EDEM1: variants seen among roughly 807,000 people sequenced by gnomAD.
EDEM1 encodes ER degradation enhancing alpha-mannosidase like protein 1, also known as ER degradation-enhancing alpha-mannosidase-like protein 1.
A neutral mutation model predicts 74.4 loss-of-function variants in EDEM1; 67 were observed. That is an observed-to-expected ratio of 0.90 (90% CI 0.74 to 1.10). EDEM1 has a LOEUF of 1.10. EDEM1 is among the 50% of genes least tolerant of loss of function. The pLI, the probability that EDEM1 is intolerant of heterozygous loss-of-function variation, is 0.00. For missense variants in EDEM1, 926 were observed against 851.6 expected, an observed-to-expected ratio of 1.09 and a Z score of -1.09; for synonymous variants, 382 against 335.9, an observed-to-expected ratio of 1.14 and a Z score of -1.50.
Position 5,187,731 on chromosome 3 carries a change from G to T in EDEM1, c.-75G>T. 7.0e-7 allele frequency: 1 copy of T among 1,426,262 alleles called. No individual in the cohort carries two copies. The highest frequency in any genetic ancestry group is 9.2e-7 in the Non-Finnish European group (1 of 1,090,286). The allele number at this position is 1,426,262 out of a possible 1,614,324, so 88.4% of individuals were successfully genotyped here. On this transcript the variant is annotated 5_prime_UTR_variant, in exon 1 of 12. Transcript: ENST00000256497. ...TAAAGGGGAAGCGAGCCGGGCTACG[G>T]GGCGAGCGCGGGGTGCGGTGGTCGG...
intron 11 of EDEM1, 121 bp downstream of exon 11, chr3:5,213,643 A>G: frequency 1.0e-6 from 1 of 959,114 alleles, no homozygotes; most frequent in Non-Finnish European, 1.5e-6. Flanking sequence ...AGATTTGAAA[A>G]CACCTCCTAA....
In EDEM1 at chr3:5,208,160, A is replaced by G. The variant is rs371280594; in HGVS notation, c.1406A>G (p.Tyr469Cys). ...TTCTACTATGCCATATGGAAACGAT[A>G]TGGTGCCCTCCCTGAGAGATATAAC... ...HAFYYAIWKR[Y>C]GALPERYNWQ... The change falls in exon 8 of 12, where the codon TAT becomes TGT. Residue 469 changes from tyrosine (Y) to cysteine (C), a missense_variant. Physicochemically the swap from Tyr to Cys is radical, Grantham distance 194 (BLOSUM62 -2). Transcript: ENST00000256497. 18 of 1,612,974 alleles carry G rather than the reference A, an allele frequency of 1.1e-5. No homozygotes were observed. The highest frequency in any genetic ancestry group is 2.2e-5 in the South Asian group (2 of 90,954).
At position 5,210,099 on chromosome 3, in the gene EDEM1, C is replaced by T. The variant is rs545657306; in HGVS notation, c.1510-76C>T. On this transcript the variant is annotated intron_variant, in intron 8 of 11. Coordinates refer to ENST00000256497, the MANE Select transcript of EDEM1 (RefSeq NM_014674.3). ...GCGACTCGTCTCCATGGGGAAGCCC[C>T]GCAGTCACCATGATGTTTGTCGATG... The T allele has an allele frequency of 1.1e-4, 138 of 1,313,062 alleles. 2 individuals are homozygous for T. The highest frequency in any genetic ancestry group is 1.0e-3 in the South Asian group (87 of 84,408). The allele number at this position is 1,313,062 out of a possible 1,614,324, so 81.3% of individuals were successfully genotyped here. A position where few individuals can be genotyped will look rare whatever the true frequency, so the allele number is the denominator to read the frequency against.
At chr3:5,207,929 T>C (rs1385422487) in intron 7 of EDEM1, among the ~76,000 whole-genome samples, 164 bp from the exon 8 acceptor site, 1 of 152,166 alleles carries the variant, frequency 6.6e-6, no homozygotes, top group Admixed American at 6.5e-5. Context: ...AGGGAGGGCA[T>C]TTATTTGTCT....
At chr3:5,205,003 G>C in intron 5 of EDEM1, 64 bp from the exon 6 acceptor site, 1 of 1,563,410 alleles carries the variant, frequency 6.4e-7, no homozygotes, top group Middle Eastern at 1.9e-4. Context: ...TAGGAGGCCT[G>C]TCTCCATTCA....
At position 5,217,316 on chromosome 3, in the gene EDEM1, C is replaced by T. The variant is rs2055251212; in HGVS notation, c.*1398C>T. 1 of 152,622 alleles carries T rather than the reference C, an allele frequency of 6.6e-6. No homozygotes were observed. Among genetic ancestry groups the T allele is most frequent in the Admixed American group, 6.5e-5 (1 of 15,274 alleles). The allele number at this position is 152,622 out of a possible 1,614,324, so 9.5% of individuals were successfully genotyped here. A position where few individuals can be genotyped will look rare whatever the true frequency, so the allele number is the denominator to read the frequency against. On this transcript the variant is annotated 3_prime_UTR_variant, in exon 12 of 12. Transcript: ENST00000256497. The stretch of plus-strand genomic sequence containing the variant: ...GCAGCAGGGTTGACTCTTAGTCTGG[C>T]TTCCATGAAGCGTCATGGGTGGAAA...
At position 5,187,839 on chromosome 3, in the gene EDEM1, C is replaced by G; in HGVS notation, c.34C>G (p.Leu12Val). The G allele has an allele frequency of 6.3e-6, 10 of 1,591,086 alleles. No individual in the cohort carries two copies. The highest frequency in any genetic ancestry group is 8.5e-6 in the Non-Finnish European group (10 of 1,170,202). Residue 12 changes from leucine to valine, a missense_variant, in exon 1 of 12, where the codon CTC (leucine) becomes GTC (valine). Leu to Val is a conservative substitution (Grantham distance 32, BLOSUM62 1). Coordinates refer to ENST00000256497, the MANE Select transcript of EDEM1 (RefSeq NM_014674.3). ...GCGAGCGCTCGTCCTGGGGCTGGTG[C>G]TCCTCCGGCTTGGCCTCCATGGAGT... ...QWRALVLGLV[L>V]LRLGLHGVLW...
chr3:5,208,586 C>T (rs1418087420), intron 8 of EDEM1, among the ~76,000 whole-genome samples: 1 of 151,958 alleles, frequency 6.6e-6, no homozygotes, highest in African/African-American at 2.4e-5. Context: ...TGTATGTGAC[C>T]AGAAGACCCG....
At chr3:5,207,365 T>G in intron 7 of EDEM1, 92 bp downstream of exon 7, 4 of 1,542,104 alleles carry the variant, frequency 2.6e-6, no homozygotes, top group Non-Finnish European at 3.5e-6. Context: ...GAGCATTCTC[T>G]GTCTCCTTTG....
At chr3:5,206,908 A>G (rs1202350508) in intron 6 of EDEM1, among the ~76,000 whole-genome samples, 1 of 152,242 alleles carries the variant, frequency 6.6e-6, no homozygotes, top group Non-Finnish European at 1.5e-5. Context: ...TCTGCAGAAT[A>G]CTGTGAAATC....
At chr3:5,190,763 A>G (rs546495746) in intron 1 of EDEM1, among the ~76,000 whole-genome samples, 13 of 152,192 alleles carry the variant, frequency 8.5e-5, no homozygotes, top group African/African-American at 3.1e-4. Flanking sequence ...GAGGAGGCCA[A>G]AGAAGCCTTG....
At chr3:5,214,830 C>T (rs1430988725) in intron 11 of EDEM1, among the ~76,000 whole-genome samples, 1 of 152,180 alleles carries the variant, frequency 6.6e-6, no homozygotes, top group Non-Finnish European at 1.5e-5. Context: ...ACCAGGGATT[C>T]AGGCCCTCAG....
At chr3:5,200,898 A>ATTT (rs376272520) in intron 3 of EDEM1, among the ~76,000 whole-genome samples, 2,223 of 148,356 alleles carry the variant, frequency 0.015, 60 homozygotes, top group African/African-American at 0.053. Flanking sequence ...ATTAAATTAA[A>ATTT]TTTTTTTTTT....
rs1489049558 is a variant in EDEM1 at position 5,217,550 on chromosome 3, TAGTTC to T, written c.*1638_*1642del. 1.3e-5 allele frequency: 2 copies of T among 152,660 alleles called. No homozygotes were observed. Among genetic ancestry groups the T allele is most frequent in the African/African-American group, 2.4e-5 (1 of 41,454 alleles). 9.5% of individuals were successfully genotyped at this position (152,660 alleles called of 1,614,324 possible). A position where few individuals can be genotyped will look rare whatever the true frequency, so the allele number is the denominator to read the frequency against. ...AAATTTTAAGTGTTATGGTTTTATA[TAGTTC>T]AGTTCTTTGAGATTTTTGAAAAGAG... On this transcript the variant is annotated 3_prime_UTR_variant, in exon 12 of 12. Coordinates refer to ENST00000256497, the MANE Select transcript of EDEM1 (RefSeq NM_014674.3).
rs1321194794 is a variant in EDEM1, at chr3:5,205,374, TGTCA to T, written c.1217+138_1217+141del. 7 of 897,760 alleles carry T rather than the reference TGTCA, an allele frequency of 7.8e-6. No homozygotes were observed. The Admixed American group carries it at 1.4e-4, about 18-fold the overall frequency. 55.6% of individuals were successfully genotyped at this position (897,760 alleles called of 1,614,324 possible). On this transcript the variant is annotated intron_variant, in intron 6 of 11. Coordinates refer to ENST00000256497, the MANE Select transcript of EDEM1 (RefSeq NM_014674.3). The stretch of plus-strand genomic sequence containing the variant: ...CCTCACCTTACCACCTCTCCTAGTT[TGTCA>T]GTCATCTGGGGGCAAAGAGCTGTGT...
At chr3:5,211,511 G>A (rs2055167882) in intron 10 of EDEM1, 1 of 315,592 alleles carries the variant, frequency 3.2e-6, no homozygotes, top group East Asian at 6.9e-5. Flanking sequence ...CTAACTACAG[G>A]TGGTCGGGGA....
chr3:5,205,316 T>TA lies in EDEM1; in HGVS notation c.1217+77dup, dbSNP rs948599982. 2.1e-6 allele frequency: 3 copies of TA among 1,436,682 alleles called. No individual in the cohort carries two copies. The African/African-American group carries it at 4.3e-5, about 20-fold the overall frequency. 89.0% of individuals were successfully genotyped at this position (1,436,682 alleles called of 1,614,324 possible). On this transcript the variant is annotated intron_variant, in intron 6 of 11. Coordinates refer to ENST00000256497, the MANE Select transcript of EDEM1 (RefSeq NM_014674.3). ...CATTCTGAAGCGTTTGTATTTTTTT[T>TA]AACACACAATCACAGGGTCTGTTTA...
At position 5,219,931 on chromosome 3, in the gene EDEM1, A is replaced by C. The variant is rs972825933; in HGVS notation, c.*4013A>C. On this transcript the variant is annotated 3_prime_UTR_variant, in exon 12 of 12. Transcript: ENST00000256497. ...AAATTTATTAGGATTTTTATGAGTAATTTTTATTAAAAGATTTCTTTTTTT... is the reference window on the plus strand; with the variant it reads ...AAATTTATTAGGATTTTTATGAGTACTTTTTATTAAAAGATTTCTTTTTTT... The C allele has an allele frequency of 6.6e-6, 1 of 152,518 alleles. No homozygotes were observed. Among genetic ancestry groups the C allele is most frequent in the African/African-American group, 2.4e-5 (1 of 41,452 alleles). 9.4% of individuals were successfully genotyped at this position (152,518 alleles called of 1,614,324 possible). A position where few individuals can be genotyped will look rare whatever the true frequency, so the allele number is the denominator to read the frequency against.
Position 5,187,926 on chromosome 3 carries a change from T to C in EDEM1, c.121T>C (p.Phe41Leu). The change falls in exon 1 of 12, where the codon TTC becomes CTC. Residue 41 changes from phenylalanine (F) to leucine (L), a missense_variant. By Grantham distance (22) the Phe-to-Leu change is conservative. Coordinates refer to ENST00000256497, the MANE Select transcript of EDEM1 (RefSeq NM_014674.3). ...MGFYQRFPLS[F>L]GFQRLRSPDG... The stretch of plus-strand genomic sequence containing the variant: ...CTTCTACCAGCGCTTTCCGCTCAGC[T>C]TCGGCTTCCAGCGTCTGAGGAGCCC... 6.3e-7 allele frequency: 1 copy of C among 1,591,828 alleles called. No homozygotes were observed. Among genetic ancestry groups the C allele is most frequent in the Non-Finnish European group, 8.5e-7 (1 of 1,172,062 alleles).
Sources: allele counts gnomAD v4.1 joint callset (sites outside exome capture counted in the v4.1 genomes callset), GRCh38; gene constraint gnomAD v4.1.1; transcripts MANE v1.5; gene names NCBI Gene and HGNC (gene_info 2026-07-23, HGNC 2026-07-21).